Variants in PHLPP2 observed in about 807,000 individuals in gnomAD.
PHLPP2 encodes PH domain and leucine rich repeat protein phosphatase 2, also known as PH domain leucine-rich repeat-containing protein phosphatase 2.
A neutral mutation model predicts 124.9 loss-of-function variants in PHLPP2; 66 were observed. The observed-to-expected ratio is 0.53, with a 90% confidence interval of 0.43 to 0.65. PHLPP2 has a LOEUF of 0.65. PHLPP2 is among the 30% of genes least tolerant of loss of function. The pLI, the probability that PHLPP2 is intolerant of heterozygous loss-of-function variation, is 0.00. For missense variants in PHLPP2, 1,685 were observed against 1,600.4 expected (o/e 1.05, Z -0.90); for synonymous variants, 681 against 624.7 (o/e 1.09, Z -1.34).
At position 71,681,899 on chromosome 16, in the gene PHLPP2, A is replaced by ACACC; in HGVS notation, c.738_741dup (p.Ser248GlyfsTer20). 6.2e-7 allele frequency: 1 copy of ACACC among 1,606,334 alleles called. No homozygotes were observed. Among genetic ancestry groups the ACACC allele is most frequent in the Non-Finnish European group, 8.5e-7 (1 of 1,176,106 alleles). ...AGATCCACGGTACTGATTCGCTGGGACACCACCTGAATAATGTCAAAGAGA... is the reference window on the plus strand; with the variant it reads ...AGATCCACGGTACTGATTCGCTGGGACACCCACCACCTGAATAATGTCAAAGAGA... On this transcript the variant is annotated frameshift_variant, in exon 6 of 19. Transcript: ENST00000568954. LOFTEE classifies it high-confidence loss of function.
At chr16:71,669,542 G>A (rs1317220632) in intron 10 of PHLPP2, among the ~76,000 whole-genome samples, 172 bp from the exon 11 acceptor site, 1 of 152,220 alleles carries the variant, frequency 6.6e-6, no homozygotes, top group Admixed American at 6.5e-5. Flanking sequence ...ATTGAATGCT[G>A]CTGAATTAGA....
rs986132951 is a variant in PHLPP2, at chr16:71,702,882, T to C, written c.285-151A>G. 4 of 535,096 alleles carry C rather than the reference T, an allele frequency of 7.5e-6. No individual in the cohort carries two copies. In the Admixed American group the frequency reaches 9.3e-5, roughly 13 times the overall value. The allele number at this position is 535,096 out of a possible 1,614,324, so 33.1% of individuals were successfully genotyped here. A position where few individuals can be genotyped will look rare whatever the true frequency, so the allele number is the denominator to read the frequency against. Reference sequence around the variant, plus strand: ...TGCTTAGTAGTGAAGTCTGGGCTTTTAGTGTAATCCTCACCTGAATCATGT... The same window carrying C: ...TGCTTAGTAGTGAAGTCTGGGCTTTCAGTGTAATCCTCACCTGAATCATGT... On this transcript the variant is annotated intron_variant, in intron 2 of 18. Coordinates refer to ENST00000568954, the MANE Select transcript of PHLPP2 (RefSeq NM_015020.3).
At chr16:71,693,730 G>C (rs2045138533) in intron 3 of PHLPP2, among the ~76,000 whole-genome samples, 2 of 152,166 alleles carry the variant, frequency 1.3e-5, no homozygotes, top group African/African-American at 4.8e-5. Context: ...TCCCACGGCT[G>C]CCTTCTTTTT....
intron 13 of PHLPP2, among the ~76,000 whole-genome samples, chr16:71,661,004 A>G (rs1331042753): frequency 2.0e-5 from 3 of 151,464 alleles, no homozygotes; most frequent in Non-Finnish European, 2.9e-5. Flanking sequence ...CCTGAATTCC[A>G]TTCAGTTTTA....
intron 2 of PHLPP2, among the ~76,000 whole-genome samples, chr16:71,704,233 C>T (rs1056638812): frequency 8.0e-5 from 12 of 149,282 alleles, no homozygotes; most frequent in African/African-American, 2.7e-4. Flanking sequence ...ATGGCATGAA[C>T]CTGGGAGAAG....
At chr16:71,676,012 T>C (rs1036024030) in intron 9 of PHLPP2, among the ~76,000 whole-genome samples, 2 of 151,964 alleles carry the variant, frequency 1.3e-5, no homozygotes. Flanking sequence ...TGAGCCCCCA[T>C]GATTGGCCAC....
chr16:71,681,678 C>A, intron 6 of PHLPP2, 73 bp downstream of exon 6: 1 of 1,131,858 alleles, frequency 8.8e-7, no homozygotes, highest in Non-Finnish European at 1.2e-6. Context: ...ACAATGGTAG[C>A]AGGTAGAAGC....
At chr16:71,692,416 G>T (rs1039370231) in intron 3 of PHLPP2, among the ~76,000 whole-genome samples, 2 of 151,986 alleles carry the variant, frequency 1.3e-5, no homozygotes, top group Non-Finnish European at 2.9e-5. Flanking sequence ...TTTAAATTAG[G>T]TATCACTTTG....
At chr16:71,722,782 C>G (rs1229436789) in intron 1 of PHLPP2, among the ~76,000 whole-genome samples, 1 of 152,328 alleles carries the variant, frequency 6.6e-6, no homozygotes, top group South Asian at 2.1e-4. Flanking sequence ...CGGAAGGACA[C>G]CTAGTTTACG....
chr16:71,653,120 T>A (rs886842168), intron 17 of PHLPP2, 99 bp from the exon 18 acceptor site: 80 of 606,650 alleles, frequency 1.3e-4, no homozygotes, highest in African/African-American at 1.3e-3. Flanking sequence ...TTTTTTTTTT[T>A]ACCATGTGAT....
chr16:71,719,945 A>C (rs2045387274), intron 1 of PHLPP2, among the ~76,000 whole-genome samples: 1 of 136,856 alleles, frequency 7.3e-6, no homozygotes, highest in Admixed American at 7.5e-5. Context: ...TTACAGGTGC[A>C]CAACACCATG....
At chr16:71,708,135 C>T (rs1479051832) in intron 2 of PHLPP2, among the ~76,000 whole-genome samples, 2 of 152,012 alleles carry the variant, frequency 1.3e-5, no homozygotes. Context: ...ATACCACCCC[C>T]AAACATTTTT....
intron 5 of PHLPP2, among the ~76,000 whole-genome samples, chr16:71,684,062 G>C (rs1208729470): frequency 6.6e-6 from 1 of 151,130 alleles, no homozygotes; most frequent in Non-Finnish European, 1.5e-5. Context: ...AAAGTGCTAG[G>C]ATTACATGCA....
chr16:71,676,742 C>A (rs944326675), intron 8 of PHLPP2, 93 bp from the exon 9 acceptor site: 3 of 916,794 alleles, frequency 3.3e-6, no homozygotes, highest in East Asian at 2.6e-5. Flanking sequence ...GGTATGATCC[C>A]TTTCTCTGTT....
intron 6 of PHLPP2, among the ~76,000 whole-genome samples, chr16:71,680,996 A>T (rs1412888837): frequency 6.6e-6 from 1 of 152,210 alleles, no homozygotes. Context: ...GATTAAAAAA[A>T]CAACATTTTC....
chr16:71,672,252 A>C lies in PHLPP2; in HGVS notation c.1532+10T>G, dbSNP rs1032583249. 6.2e-7 allele frequency: 1 copy of C among 1,608,052 alleles called. No homozygotes were observed. Among genetic ancestry groups the C allele is most frequent in the Non-Finnish European group, 8.5e-7 (1 of 1,174,600 alleles). On this transcript the variant is annotated intron_variant, in intron 10 of 18. Transcript: ENST00000568954. ...AAGAAGCAAGCGCCACCCTCATGAA[A>C]GACACTCACCGGGAGAGATCCAAGA...
At chr16:71,709,325 C>G (rs1273545498) in intron 2 of PHLPP2, among the ~76,000 whole-genome samples, 1 of 152,022 alleles carries the variant, frequency 6.6e-6, no homozygotes, top group African/African-American at 2.4e-5. Context: ...CATCCCAAAT[C>G]CCAAGGGTGC....
intron 3 of PHLPP2, among the ~76,000 whole-genome samples, chr16:71,702,115 C>A (rs889124079): frequency 6.6e-6 from 1 of 152,072 alleles, no homozygotes; most frequent in Non-Finnish European, 1.5e-5. Flanking sequence ...TCGTGTTCCT[C>A]AAATTCATCT....
At chr16:71,708,440 C>T (rs1034636592) in intron 2 of PHLPP2, among the ~76,000 whole-genome samples, 3 of 152,170 alleles carry the variant, frequency 2.0e-5, no homozygotes, top group Non-Finnish European at 2.9e-5. Flanking sequence ...TACCCAAATC[C>T]TATAAAACTG....
Sources: gnomAD v4.1 joint callset for allele counts (sites outside exome capture counted in the v4.1 genomes callset) on GRCh38, gnomAD v4.1.1 for gene constraint, MANE v1.5 for transcripts, NCBI Gene and HGNC (gene_info 2026-07-23, HGNC 2026-07-21) for gene names.